The following KAZN variants were observed in gnomAD, a reference collection of about 807,000 sequenced individuals.
The protein encoded by KAZN is kazrin.
In KAZN, 40 loss-of-function variants were observed where a neutral mutation model predicts 87.4. The observed-to-expected ratio is 0.46, with a 90% CI of 0.36 to 0.60. KAZN has a LOEUF of 0.60. Among genes scored for constraint, KAZN ranks in the 20% least tolerant of loss-of-function variants. The probability of loss-of-function intolerance (pLI) is 0.00; values close to 1 mark genes in which losing one functional copy is unlikely to be tolerated. For missense variants in KAZN, 898 were observed against 1,073.9 expected, an observed-to-expected ratio of 0.84 and a Z score of 2.29; for synonymous variants, 466 against 458.3, an observed-to-expected ratio of 1.02 and a Z score of -0.22.
At chr1:15,013,128 A>G (rs764140479) in intron 2 of KAZN, among the ~76,000 whole-genome samples, 83 of 152,066 alleles carry the variant, frequency 5.5e-4, no homozygotes, top group Non-Finnish European at 1.2e-3. Context: ...TGGATTTGCA[A>G]TAAGGCCTCC....
intron 1 of KAZN, among the ~76,000 whole-genome samples, chr1:14,763,835 C>T (rs373756342): frequency 5.6e-4 from 85 of 152,248 alleles, no homozygotes; most frequent in African/African-American, 1.4e-3. Context: ...CTGCAACTTC[C>T]GCCTCCCAGG....
At chr1:14,759,972 T>C (rs1478626029) in intron 1 of KAZN, among the ~76,000 whole-genome samples, 1 of 152,008 alleles carries the variant, frequency 6.6e-6, no homozygotes, top group Admixed American at 6.6e-5. Flanking sequence ...TGGGAATTAA[T>C]GTCCCCTCAG....
In KAZN at chr1:14,922,532, C is replaced by T. The variant is rs533036332; in HGVS notation, c.227-38152C>T. 6.6e-5 allele frequency among the ~76,000 whole-genome samples: 10 copies of T among 152,110 alleles called. No homozygotes were observed. The East Asian group carries it at 1.7e-3, about 26-fold the overall frequency. On this transcript the variant is annotated intron_variant, in intron 1 of 14. Coordinates refer to ENST00000376030, the MANE Select transcript of KAZN (RefSeq NM_201628.3). ...CCCATGCCACTCTGCCGTCCTCTGGCGCAGTTAAAAGTGCACTTTGGGAGG... is the reference window on the plus strand; with the variant it reads ...CCCATGCCACTCTGCCGTCCTCTGGTGCAGTTAAAAGTGCACTTTGGGAGG...
At chr1:14,372,252 G>A (rs965288497) in intron 2 of KAZN, among the ~76,000 whole-genome samples, 2 of 152,206 alleles carry the variant, frequency 1.3e-5, no homozygotes, top group Non-Finnish European at 2.9e-5. Flanking sequence ...ATCATGGATA[G>A]ATCAACAGCC....
At chr1:14,758,100 T>C (rs1644621400) in intron 1 of KAZN, among the ~76,000 whole-genome samples, 1 of 136,090 alleles carries the variant, frequency 7.3e-6, no homozygotes, top group African/African-American at 3.0e-5. Flanking sequence ...TTTGTTTGTT[T>C]GTTTCTTTGT....
At chr1:14,788,419 G>C (rs1277992624) in intron 1 of KAZN, among the ~76,000 whole-genome samples, 2 of 152,296 alleles carry the variant, frequency 1.3e-5, no homozygotes, top group South Asian at 2.1e-4. Flanking sequence ...CAAATACTAA[G>C]AGGTGCTTCG....
chr1:14,132,858 G>A (rs1180545072), intron 1 of KAZN, among the ~76,000 whole-genome samples: 1 of 152,038 alleles, frequency 6.6e-6, no homozygotes, highest in Admixed American at 6.6e-5. Flanking sequence ...ACTATTGGAG[G>A]ACTTTTCGTG....
intron 1 of KAZN, among the ~76,000 whole-genome samples, chr1:14,630,362 A>C (rs1249780168): frequency 6.6e-6 from 1 of 152,108 alleles, no homozygotes; most frequent in Non-Finnish European, 1.5e-5. Context: ...GGGGCCTTTC[A>C]GCAAATTCCT....
intron 1 of KAZN, among the ~76,000 whole-genome samples, chr1:14,901,756 C>T (rs1010169929): frequency 2.0e-5 from 3 of 152,202 alleles, no homozygotes; most frequent in Admixed American, 6.5e-5. Context: ...GCCTGGCGTC[C>T]AAGGTCAAGG....
intron 2 of KAZN, among the ~76,000 whole-genome samples, chr1:14,986,957 T>C (rs908141510): frequency 2.0e-5 from 3 of 147,902 alleles, no homozygotes; most frequent in African/African-American, 7.5e-5. Flanking sequence ...ACACAGATAG[T>C]CATTCCAGAA....
intron 2 of KAZN, among the ~76,000 whole-genome samples, chr1:14,465,506 C>T (rs1668076437): frequency 6.6e-6 from 1 of 151,830 alleles, no homozygotes; most frequent in Non-Finnish European, 1.5e-5. Context: ...CATAGCTTCC[C>T]TAGCACAGAA....
chr1:14,367,525 G>A (rs1271150355), intron 2 of KAZN, among the ~76,000 whole-genome samples: 1 of 152,132 alleles, frequency 6.6e-6, no homozygotes, highest in Non-Finnish European at 1.5e-5. Context: ...GAAAATAGGG[G>A]TGTAAGTTCT....
intron 1 of KAZN, among the ~76,000 whole-genome samples, chr1:14,025,799 T>A (rs540257159): frequency 6.6e-6 from 1 of 152,306 alleles, no homozygotes; most frequent in African/African-American, 2.4e-5. Flanking sequence ...TGGCTCCAGA[T>A]CTTTCTAAAA....
chr1:14,427,434 T>C (rs1665793139), intron 2 of KAZN, among the ~76,000 whole-genome samples: 1 of 152,212 alleles, frequency 6.6e-6, no homozygotes, highest in South Asian at 2.1e-4. Flanking sequence ...TTGTAATTGT[T>C]TTTTGTAGAA....
At chr1:13,934,958 C>T (rs576365677) in intron 1 of KAZN, among the ~76,000 whole-genome samples, 62 of 152,130 alleles carry the variant, frequency 4.1e-4, no homozygotes, top group African/African-American at 1.3e-3. Context: ...CCTTCAGGGC[C>T]GGGTGTGGTG....
intron 2 of KAZN, among the ~76,000 whole-genome samples, chr1:14,577,306 G>A (rs1357748050): frequency 6.6e-6 from 1 of 152,190 alleles, no homozygotes; most frequent in South Asian, 2.1e-4. Context: ...TTCTGGGGCA[G>A]CCACATAAAA....
chr1:14,618,554 G>A (rs1223210752), intron 1 of KAZN, among the ~76,000 whole-genome samples: 2 of 152,166 alleles, frequency 1.3e-5, no homozygotes, highest in Non-Finnish European at 2.9e-5. Flanking sequence ...CCTTCTAAAA[G>A]CTATATATGT....
intron 1 of KAZN, among the ~76,000 whole-genome samples, chr1:14,614,135 C>T (rs1395477788): frequency 6.6e-6 from 1 of 152,138 alleles, no homozygotes; most frequent in Non-Finnish European, 1.5e-5. Context: ...CCAGCAATGT[C>T]CTAAAACCCC....
chr1:14,082,170 A>G (rs1643699578), intron 1 of KAZN, among the ~76,000 whole-genome samples: 1 of 152,194 alleles, frequency 6.6e-6, no homozygotes, highest in Non-Finnish European at 1.5e-5. Flanking sequence ...GCATCATTCA[A>G]TAATATGAAT....
Sources: gnomAD v4.1 joint callset for allele counts (sites outside exome capture counted in the v4.1 genomes callset) on GRCh38, gnomAD v4.1.1 for gene constraint, MANE v1.5 for transcripts, NCBI Gene and HGNC (gene_info 2026-07-23, HGNC 2026-07-21) for gene names.